SH3PXD2A: variants seen among roughly 807,000 people sequenced by gnomAD.
SH3PXD2A encodes the protein SH3 and PX domains 2A.
SH3PXD2A carries 32 observed loss-of-function variants against 115.2 expected under a neutral mutation model. That is an observed-to-expected ratio of 0.28 (90% CI 0.21 to 0.37). The LOEUF (loss-of-function observed/expected upper bound fraction) is 0.37, where lower values mean the gene tolerates loss of function less well. Ranked by LOEUF, SH3PXD2A falls within the 10% of genes least tolerant of loss-of-function variation. The probability of loss-of-function intolerance (pLI) is 1.00; values close to 1 mark genes in which losing one functional copy is unlikely to be tolerated. For missense variants in SH3PXD2A, 1,328 were observed against 1,498.7 expected, an observed-to-expected ratio of 0.89 and a Z score of 1.88; for synonymous variants, 610 against 629.1, an observed-to-expected ratio of 0.97 and a Z score of 0.45.
In SH3PXD2A at chr10:103,600,216, G is replaced by C. The variant is rs1245074207; in HGVS notation, c.*1600C>G. ...GAAATCCACTCCCAGCGAAGGGGGA[G>C]TCCTTGGGGGAAGCCGGCTGGGCTT... On this transcript the variant is annotated 3_prime_UTR_variant, in exon 15 of 15. Transcript: ENST00000369774. 6 of 152,718 alleles carry C rather than the reference G, an allele frequency of 3.9e-5. No individual in the cohort carries two copies. The highest frequency in any genetic ancestry group is 9.7e-5 in the African/African-American group (4 of 41,450). The allele number at this position is 152,718 out of a possible 1,614,324, so 9.5% of individuals were successfully genotyped here.
intron 5 of SH3PXD2A, among the ~76,000 whole-genome samples, chr10:103,721,141 C>T (rs1044964034): frequency 6.6e-6 from 1 of 152,218 alleles, no homozygotes; most frequent in Non-Finnish European, 1.5e-5. Context: ...AGGGACGGAA[C>T]GTGCACACAT....
intron 6 of SH3PXD2A, among the ~76,000 whole-genome samples, chr10:103,672,378 G>C (rs535010743): frequency 3.3e-5 from 5 of 152,376 alleles, no homozygotes; most frequent in South Asian, 4.1e-4. Flanking sequence ...GCCTGAGGCA[G>C]TTGTCTGACG....
chr10:103,603,676 T>A lies in SH3PXD2A; in HGVS notation c.1542A>T (p.Thr514=), dbSNP rs762449294. 1.2e-6 allele frequency: 2 copies of A among 1,607,818 alleles called. No homozygotes were observed. Among genetic ancestry groups the A allele is most frequent in the Non-Finnish European group, 1.7e-6 (2 of 1,177,950 alleles). Reference sequence around the variant, plus strand: ...GCACCTTGGGCCGGGTCAGCGTGCTTGTGCGGCGGCTCAGGTTGGGCTTCT... The same window carrying A: ...GCACCTTGGGCCGGGTCAGCGTGCTAGTGCGGCGGCTCAGGTTGGGCTTCT... ...KRKKPNLSRR[T]STLTRPKVPP... is the part of the protein sequence containing the mutation. Residue 514 remains threonine, a synonymous_variant, in exon 15 of 15, where the codon ACA becomes ACT. Coordinates refer to ENST00000369774, the MANE Select transcript of SH3PXD2A (RefSeq NM_001394015.1).
chr10:103,645,496 G>A (rs2037022717), intron 8 of SH3PXD2A, among the ~76,000 whole-genome samples: 1 of 152,198 alleles, frequency 6.6e-6, no homozygotes, highest in Non-Finnish European at 1.5e-5. Context: ...ATCATCCAGT[G>A]AGCTAATACT....
At chr10:103,782,642 T>C (rs1722490836) in intron 2 of SH3PXD2A, among the ~76,000 whole-genome samples, 1 of 151,972 alleles carries the variant, frequency 6.6e-6, no homozygotes, top group South Asian at 2.1e-4. Context: ...TCCTGCTCTC[T>C]GAAAGCTCAC....
chr10:103,697,547 G>T (rs191386603), intron 5 of SH3PXD2A, among the ~76,000 whole-genome samples: 1 of 152,108 alleles, frequency 6.6e-6, no homozygotes, highest in African/African-American at 2.4e-5. Context: ...GTCTAGCGCC[G>T]AGCACCAGGA....
intron 13 of SH3PXD2A, among the ~76,000 whole-genome samples, chr10:103,608,150 T>TAAAAAAAAAAAAAAAAAGTTTACAAAAA (rs768102863): frequency 3.1e-5 from 1 of 32,660 alleles, no homozygotes; most frequent in Non-Finnish European, 4.5e-5. Context: ...ATGATCAATT[T>TAAAAAAAAAAAAAAAAAGTTTACAAAAA]AAAAAAAAAA....
At position 103,665,657 on chromosome 10, in the gene SH3PXD2A, G is replaced by C. The variant is rs2037374617; in HGVS notation, c.472+2951C>G. On this transcript the variant is annotated intron_variant, in intron 7 of 14. Coordinates refer to ENST00000369774, the MANE Select transcript of SH3PXD2A (RefSeq NM_001394015.1). This position sits in a 1 kb window ranked among gnomAD's most constrained non-coding sequence, Gnocchi z 4.0. The stretch of plus-strand genomic sequence containing the variant: ...CCGGGCGGGCGGGAGCTGCGAGCAG[G>C]TATCCAGATGAGAAACCACTTGCAG... 6.6e-6 allele frequency among the ~76,000 whole-genome samples: 1 copy of C among 152,202 alleles called. No individual in the cohort carries two copies. Among genetic ancestry groups the C allele is most frequent in the Non-Finnish European group, 1.5e-5 (1 of 68,034 alleles).
At chr10:103,823,011 C>T (rs2039396718) in intron 1 of SH3PXD2A, among the ~76,000 whole-genome samples, 1 of 152,180 alleles carries the variant, frequency 6.6e-6, no homozygotes, top group East Asian at 1.9e-4. Flanking sequence ...GAGCTGAATT[C>T]TTTCAGGAGG....
At chr10:103,654,457 G>T (rs1442792301) in intron 8 of SH3PXD2A, among the ~76,000 whole-genome samples, 2 of 152,186 alleles carry the variant, frequency 1.3e-5, no homozygotes, top group Non-Finnish European at 2.9e-5. Context: ...CCCCCTGCAG[G>T]TCCCAGGGTC....
At position 103,855,246 on chromosome 10, in the gene SH3PXD2A, C is replaced by T. The variant is rs1842930243; in HGVS notation, c.21G>A (p.Gln7=). The T allele has an allele frequency of 6.5e-7, 1 of 1,535,886 alleles. No homozygotes were observed. Among genetic ancestry groups the T allele is most frequent in the Non-Finnish European group, 8.8e-7 (1 of 1,139,466 alleles). MLAYCV[Q]DATVVDVEKR... The stretch of plus-strand genomic sequence containing the variant: ...TCTCCACGTCCACCACGGTGGCATC[C>T]TGCACGCAGTAGGCGAGCATCTTCC... Residue 7 remains glutamine, a synonymous_variant, in exon 1 of 15, where the codon CAG becomes CAA. Coordinates refer to ENST00000369774, the MANE Select transcript of SH3PXD2A (RefSeq NM_001394015.1).
Position 103,627,268 on chromosome 10 carries a change from C to T in SH3PXD2A, c.605-66G>A. On this transcript the variant is annotated intron_variant, in intron 8 of 14. Transcript: ENST00000369774. The surrounding 1 kb of genome is among the most constrained non-coding windows in gnomAD (Gnocchi z 4.4). ...CAGGGTGGCAGGGGTGGCTCGGGGG[C>T]CAGGACAAGGATGGAAGGAGAGGCA... 3.2e-6 allele frequency: 3 copies of T among 937,030 alleles called. No individual in the cohort carries two copies. Among genetic ancestry groups the T allele is most frequent in the Non-Finnish European group, 3.5e-6 (2 of 576,598 alleles). 58.0% of individuals were successfully genotyped at this position (937,030 alleles called of 1,614,324 possible). A position where few individuals can be genotyped will look rare whatever the true frequency, so the allele number is the denominator to read the frequency against.
At chr10:103,832,505 A>G (rs2039492050) in intron 1 of SH3PXD2A, among the ~76,000 whole-genome samples, 1 of 152,236 alleles carries the variant, frequency 6.6e-6, no homozygotes. Flanking sequence ...AACCAACCCA[A>G]ATGTCCATCA....
intron 8 of SH3PXD2A, among the ~76,000 whole-genome samples, chr10:103,630,604 A>G (rs1055691408): frequency 6.6e-6 from 1 of 152,112 alleles, no homozygotes; most frequent in Admixed American, 6.5e-5. Flanking sequence ...AATTAAGTCA[A>G]TAAAGCAGCA....
At chr10:103,671,458 A>G (rs532821216) in intron 6 of SH3PXD2A, among the ~76,000 whole-genome samples, 42 of 152,356 alleles carry the variant, frequency 2.8e-4, no homozygotes, top group Non-Finnish European at 4.9e-4. Context: ...AATGGGAAGC[A>G]GACCAGAAGT....
intron 1 of SH3PXD2A, among the ~76,000 whole-genome samples, chr10:103,816,997 A>ATTTTTTTTTT (rs56260224): frequency 1.6e-4 from 16 of 99,574 alleles, no homozygotes; most frequent in East Asian, 9.7e-4. Flanking sequence ...CACCCGGCTA[A>ATTTTTTTTTT]TTTTTTTTTT....
chr10:103,709,581 C>G (rs966451055), intron 5 of SH3PXD2A, among the ~76,000 whole-genome samples: 1 of 152,194 alleles, frequency 6.6e-6, no homozygotes, highest in Non-Finnish European at 1.5e-5. Context: ...TCGGCAACAA[C>G]AATAGTAACA....
rs530368578 is a variant in SH3PXD2A at position 103,855,269 on chromosome 10, TC to T, written c.-4del. On this transcript the variant is annotated 5_prime_UTR_variant, in exon 1 of 15. Coordinates refer to ENST00000369774, the MANE Select transcript of SH3PXD2A (RefSeq NM_001394015.1). Reference sequence around the variant, plus strand: ...TCCTGCACGCAGTAGGCGAGCATCTTCCCCCACAAAGCGAGTGGCGCCCCCG... The same window carrying T: ...TCCTGCACGCAGTAGGCGAGCATCTTCCCCACAAAGCGAGTGGCGCCCCCG... 1.4e-4 allele frequency: 206 copies of T among 1,508,854 alleles called. 1 individual carries two copies. The African/African-American group carries it at 2.7e-3, about 19-fold the overall frequency. 93.5% of individuals were successfully genotyped at this position (1,508,854 alleles called of 1,614,324 possible).
chr10:103,689,651 G>A (rs910831648), intron 6 of SH3PXD2A, among the ~76,000 whole-genome samples: 1 of 152,124 alleles, frequency 6.6e-6, no homozygotes, highest in Non-Finnish European at 1.5e-5. Flanking sequence ...GGCAACAGGG[G>A]AGAATCTGTC....
Sources: allele counts gnomAD v4.1 joint callset (sites outside exome capture counted in the v4.1 genomes callset), GRCh38; gene constraint gnomAD v4.1.1; non-coding constraint Gnocchi (gnomAD v3.1); transcripts MANE v1.5; gene names NCBI Gene and HGNC (gene_info 2026-07-23, HGNC 2026-07-21).